Variants in VEPH1 observed in about 807,000 individuals in gnomAD.
The protein encoded by VEPH1 is ventricular zone-expressed PH domain-containing protein homolog 1.
In VEPH1, 80 loss-of-function variants were observed where a neutral mutation model predicts 85.2. The observed-to-expected ratio is 0.94, with a 90% confidence interval of 0.78 to 1.13. The LOEUF (loss-of-function observed/expected upper bound fraction) is 1.13. VEPH1 is among the 50% of genes most tolerant of loss of function. The pLI is 0.00. For synonymous variants in VEPH1, 297 were observed against 348.0 expected, an observed-to-expected ratio of 0.85 and a Z score of 1.63; for missense variants, 955 against 980.5, an observed-to-expected ratio of 0.97 and a Z score of 0.35.
At chr3:157,342,387 A>T (rs1369260534) in intron 9 of VEPH1, among the ~76,000 whole-genome samples, 1 of 152,218 alleles carries the variant, frequency 6.6e-6, no homozygotes, top group East Asian at 1.9e-4. Context: ...CTAGTCTCTG[A>T]TAAAACAGAC....
intron 9 of VEPH1, among the ~76,000 whole-genome samples, chr3:157,319,861 A>AAG (rs1721176375): frequency 6.6e-6 from 1 of 152,214 alleles, no homozygotes; most frequent in Non-Finnish European, 1.5e-5. Flanking sequence ...AAAGTAGTAT[A>AAG]AGAGAGAGAT....
intron 5 of VEPH1, among the ~76,000 whole-genome samples, chr3:157,415,643 C>T (rs1225236367): frequency 6.6e-6 from 1 of 152,108 alleles, no homozygotes; most frequent in East Asian, 1.9e-4. Context: ...TTTTGTATAC[C>T]TGACTCCTAT....
At chr3:157,458,116 T>A (rs141877133) in intron 4 of VEPH1, among the ~76,000 whole-genome samples, 3 of 152,242 alleles carry the variant, frequency 2.0e-5, no homozygotes, top group Non-Finnish European at 4.4e-5. Flanking sequence ...CAGGAATTTA[T>A]TAGTTTCCTC....
At chr3:157,426,435 T>C (rs1227373029) in intron 5 of VEPH1, among the ~76,000 whole-genome samples, 1 of 152,238 alleles carries the variant, frequency 6.6e-6, no homozygotes, top group African/African-American at 2.4e-5. Flanking sequence ...AAGTCAAATC[T>C]GAGAAATCAA....
chr3:157,350,634 A>C (rs1489471889), intron 9 of VEPH1, among the ~76,000 whole-genome samples: 1 of 152,238 alleles, frequency 6.6e-6, no homozygotes, highest in Non-Finnish European at 1.5e-5. Flanking sequence ...ACAGGATATT[A>C]ACATCAAGAA....
intron 12 of VEPH1, among the ~76,000 whole-genome samples, chr3:157,275,507 C>T (rs968993419): frequency 1.3e-5 from 2 of 151,780 alleles, no homozygotes; most frequent in African/African-American, 2.4e-5. Flanking sequence ...ACCTGGGAGG[C>T]GGAGGTTGCA....
intron 4 of VEPH1, 152 bp downstream of exon 4, chr3:157,460,029 T>C: frequency 6.4e-7 from 1 of 1,566,148 alleles, no homozygotes; most frequent in Non-Finnish European, 8.6e-7. Context: ...AAGTAACCTT[T>C]TGCATGTTCA....
At chr3:157,405,931 T>TC (rs1347270326) in intron 6 of VEPH1, among the ~76,000 whole-genome samples, 1 of 152,110 alleles carries the variant, frequency 6.6e-6, no homozygotes, top group Non-Finnish European at 1.5e-5. Context: ...AATCAGCAGC[T>TC]CCACCCTATA....
intron 9 of VEPH1, among the ~76,000 whole-genome samples, chr3:157,335,804 A>G (rs1722913026): frequency 1.3e-5 from 2 of 152,158 alleles, no homozygotes; most frequent in Admixed American, 6.5e-5. Context: ...GAAGCCTCTT[A>G]TATGTGACTC....
intron 10 of VEPH1, among the ~76,000 whole-genome samples, chr3:157,314,561 A>G (rs1720535827): frequency 6.6e-6 from 1 of 152,004 alleles, no homozygotes; most frequent in African/African-American, 2.4e-5. Flanking sequence ...AAATATTCAT[A>G]TTTATTTTCT....
chr3:157,495,284 GGAGAA>G lies in VEPH1; in HGVS notation c.61_65del (p.Phe21LeufsTer3), dbSNP rs1398048028. 6.2e-7 allele frequency: 1 copy of G among 1,613,926 alleles called. No individual in the cohort carries two copies. Among genetic ancestry groups the G allele is most frequent in the Admixed American group, 1.7e-5 (1 of 60,004 alleles). On this transcript the variant is annotated frameshift_variant, in exon 2 of 14. Coordinates refer to ENST00000362010, the MANE Select transcript of VEPH1 (RefSeq NM_001167912.2). LOFTEE classifies it high-confidence loss of function. ...TGTCTTCAATCTCAGAGTCATCTAA[GGAGAA>G]GAGGTCCCCAGCTCGTGAAAGATCT... is the stretch of plus-strand genomic sequence containing the variant.
At chr3:157,440,855 A>G (rs2109226616) in intron 4 of VEPH1, among the ~76,000 whole-genome samples, 1 of 152,232 alleles carries the variant, frequency 6.6e-6, no homozygotes, top group Middle Eastern at 3.4e-3. Context: ...TCCCCCTCCC[A>G]AGTGCTCTTT....
intron 7 of VEPH1, among the ~76,000 whole-genome samples, chr3:157,366,416 TA>T (rs1291683292): frequency 6.6e-6 from 1 of 151,224 alleles, no homozygotes; most frequent in Non-Finnish European, 1.5e-5. Flanking sequence ...AAAACATCCT[TA>T]AAAAAACAAG....
intron 9 of VEPH1, among the ~76,000 whole-genome samples, chr3:157,327,403 G>A (rs1290989227): frequency 6.6e-6 from 1 of 152,256 alleles, no homozygotes; most frequent in East Asian, 1.9e-4. Context: ...CTACCCAGTG[G>A]TTGGTTGCTC....
intron 11 of VEPH1, among the ~76,000 whole-genome samples, chr3:157,291,525 C>G (rs1391355198): frequency 6.6e-6 from 1 of 152,164 alleles, no homozygotes; most frequent in Non-Finnish European, 1.5e-5. Context: ...CACCTGGTAT[C>G]AGGAACCATG....
intron 3 of VEPH1, among the ~76,000 whole-genome samples, chr3:157,461,242 C>A (rs948061524): frequency 6.6e-6 from 1 of 152,090 alleles, no homozygotes. Context: ...TTAGAAAATA[C>A]AAATTGCTTT....
At chr3:157,374,156 G>A (rs1365764658) in intron 7 of VEPH1, among the ~76,000 whole-genome samples, 2 of 152,166 alleles carry the variant, frequency 1.3e-5, no homozygotes, top group African/African-American at 2.4e-5. Context: ...GCCCAAAACC[G>A]AAGCCTTTCC....
At position 157,265,618 on chromosome 3, in the gene VEPH1, C is replaced by G; in HGVS notation, c.2173G>C (p.Glu725Gln). ...ATGAACTTCCATCTGACTTGCTTCT[C>G]TTTAAGTTTTCCTTCTATGAGAGGC... ...GQPLIEGKLK[E>Q]KQVRWKFIKR... is the part of the protein sequence containing the mutation. The change falls in exon 13 of 14, where the codon GAG (glutamate) becomes CAG (glutamine). Residue 725 changes from glutamate (E) to glutamine (Q), a missense_variant. By Grantham distance (29) the Glu-to-Gln change is conservative (BLOSUM62 2). Coordinates refer to ENST00000362010, the MANE Select transcript of VEPH1 (RefSeq NM_001167912.2). 2.5e-6 allele frequency: 4 copies of G among 1,613,630 alleles called. No individual in the cohort carries two copies. The highest frequency in any genetic ancestry group is 3.4e-6 in the Non-Finnish European group (4 of 1,179,694).
rs368912671 is a variant in VEPH1 at position 157,482,358 on chromosome 3, G to A, written c.139-11829C>T. ...TATGCCTAAGCCTCCCAAAATAGCT[G>A]GAACCACAGGCATGCACCACCAGGC... On this transcript the variant is annotated intron_variant, in intron 2 of 13. Transcript: ENST00000362010. Among the ~76,000 whole-genome samples the A allele has an allele frequency of 3.3e-5, 5 of 152,026 alleles. No individual in the cohort carries two copies. The East Asian group carries it at 5.8e-4, about 18-fold the overall frequency.
Sources: allele counts gnomAD v4.1 joint callset (sites outside exome capture counted in the v4.1 genomes callset), GRCh38; gene constraint gnomAD v4.1.1; transcripts MANE v1.5; gene names NCBI Gene and HGNC (gene_info 2026-07-23, HGNC 2026-07-21).